CERCAM: variants seen among roughly 807,000 people sequenced by gnomAD.
CERCAM encodes inactive glycosyltransferase 25 family member 3.
Under a neutral mutation model 66.0 loss-of-function variants are expected in CERCAM, and 59 were observed. The observed-to-expected ratio is 0.89, with a 90% CI of 0.73 to 1.11. The LOEUF (loss-of-function observed/expected upper bound fraction) is 1.11, where lower values mean the gene tolerates loss of function less well. Among genes scored for constraint, CERCAM ranks in the 50% most tolerant of loss-of-function variants. The pLI, the probability that CERCAM is intolerant of heterozygous loss-of-function variation, is 0.00. For missense variants in CERCAM, 840 were observed against 828.3 expected, an observed-to-expected ratio of 1.01 and a Z score of -0.17; for synonymous variants, 318 against 343.6, an observed-to-expected ratio of 0.93 and a Z score of 0.83.
chr9:128,423,277 G>T lies in CERCAM; in HGVS notation c.426+14G>T, dbSNP rs377513343. On this transcript the variant is annotated intron_variant, in intron 3 of 12. Coordinates refer to ENST00000372838, the MANE Select transcript of CERCAM (RefSeq NM_016174.5). ...GACTATATCCTGGTGAGGAAGTCTG[G>T]CTAGAATCGGGCTTCTGAAAGGCGG... 6.2e-6 allele frequency: 10 copies of T among 1,602,978 alleles called. No homozygotes were observed. The African/African-American group carries it at 1.3e-4, about 21-fold the overall frequency.
intron 5 of CERCAM, 22 bp from the exon 6 acceptor site, chr9:128,428,280 C>T (rs1296996877): frequency 1.2e-6 from 2 of 1,612,390 alleles, no homozygotes; most frequent in Non-Finnish European, 1.7e-6. Flanking sequence ...CACTGCAGCT[C>T]TCACTCAGCC....
rs772076642 is a variant in CERCAM at position 128,434,504 on chromosome 9, G to T, written c.1426G>T (p.Ala476Ser). The T allele has an allele frequency of 5.0e-6, 8 of 1,613,628 alleles. No individual in the cohort carries two copies. In the East Asian group the frequency reaches 1.8e-4, roughly 36 times the overall value. Residue 476 changes from alanine (A) to serine (S), a missense_variant, in exon 11 of 13, where the codon GCC (alanine) becomes TCC (serine). Coordinates refer to ENST00000372838, the MANE Select transcript of CERCAM (RefSeq NM_016174.5). The surrounding 1 kb of genome is among the most constrained non-coding windows in gnomAD (Gnocchi z 4.5). Reference sequence around the variant, plus strand: ...GGCTGGGTACTCCTACTGGACGCTGGCCTATGCCCTGCGTCTGGCGGGTGC... The same window carrying T: ...GGCTGGGTACTCCTACTGGACGCTGTCCTATGCCCTGCGTCTGGCGGGTGC... Reference protein sequence around the residue: ...VVAGYSYWTLAYALRLAGARK... With the variant: ...VVAGYSYWTLSYALRLAGARK...
intron 2 of CERCAM, 54 bp downstream of exon 2, chr9:128,423,032 G>C (rs1271221044): frequency 2.5e-6 from 4 of 1,612,288 alleles, no homozygotes; most frequent in Non-Finnish European, 3.4e-6. Flanking sequence ...CTGCAGCCCA[G>C]AGAGGAAAAG....
In CERCAM at chr9:128,424,118, G is replaced by C; in HGVS notation, c.427-20G>C. The C allele has an allele frequency of 1.2e-6, 2 of 1,611,432 alleles. No homozygotes were observed. The highest frequency in any genetic ancestry group is 1.7e-6 in the Non-Finnish European group (2 of 1,178,710). ...TGCAGCCCAGGCAGGGCTGGAGCCT[G>C]TGACGTCCCCTCCTCAAAGTTTGCA... is the stretch of plus-strand genomic sequence containing the variant. On this transcript the variant is annotated intron_variant, in intron 3 of 12. Coordinates refer to ENST00000372838, the MANE Select transcript of CERCAM (RefSeq NM_016174.5).
rs764208324 is a variant in CERCAM at position 128,434,171 on chromosome 9, G to C, written c.1273G>C (p.Gly425Arg). 1.2e-6 allele frequency: 2 copies of C among 1,614,050 alleles called. No individual in the cohort carries two copies. The highest frequency in any genetic ancestry group is 2.2e-5 in the South Asian group (2 of 91,076). Residue 425 changes from glycine (G) to arginine (R), a missense_variant, in exon 10 of 13, where the codon GGG becomes CGG. Coordinates refer to ENST00000372838, the MANE Select transcript of CERCAM (RefSeq NM_016174.5). This position sits in a 1 kb window ranked among gnomAD's most constrained non-coding sequence, Gnocchi z 4.5. Reference sequence around the variant, plus strand: ...CGTGCGCTTTGAGAGCAACTTCAGGGGGCGGCTGGAGCGGCTGATGGAGGA... The same window carrying C: ...CGTGCGCTTTGAGAGCAACTTCAGGCGGCGGCTGGAGCGGCTGATGGAGGA... The part of the protein sequence containing the change: ...DDVRFESNFR[G>R]RLERLMEDVE...
Position 128,434,312 on chromosome 9 carries a change from C to T in CERCAM, c.1331+83C>T. On this transcript the variant is annotated intron_variant, in intron 10 of 12. Transcript: ENST00000372838. The surrounding 1 kb of genome is among the most constrained non-coding windows in gnomAD (Gnocchi z 4.5). ...TTTCCTGCTTGGGACCCTGGCCGGC[C>T]CATCCCCTGAGAGCCTGGCCCTGTA... 6.2e-7 allele frequency: 1 copy of T among 1,602,800 alleles called. No individual in the cohort carries two copies. Among genetic ancestry groups the T allele is most frequent in the Non-Finnish European group, 8.5e-7 (1 of 1,173,002 alleles).
rs768072694 is a variant in CERCAM at position 128,424,163 on chromosome 9, C to A, written c.452C>A (p.Thr151Asn). 8.7e-6 allele frequency: 14 copies of A among 1,614,106 alleles called. No individual in the cohort carries two copies. The highest frequency in any genetic ancestry group is 1.2e-5 in the Non-Finnish European group (14 of 1,180,010). ...ILFADTDNIL[T>N]NNQTLRLLMG... The stretch of plus-strand genomic sequence containing the variant: ...TTTGCAGACACAGACAACATTCTGA[C>A]CAACAATCAGACTCTGCGGCTTCTC... The change falls in exon 4 of 13, where the codon ACC becomes AAC. Residue 151 changes from threonine (T) to asparagine (N), a missense_variant. Thr to Asn is a moderately conservative substitution (Grantham distance 65). Coordinates refer to ENST00000372838, the MANE Select transcript of CERCAM (RefSeq NM_016174.5).
At chr9:128,428,258 A>G (rs750172207) in intron 5 of CERCAM, 44 bp from the exon 6 acceptor site, 1 of 1,602,776 alleles carries the variant, frequency 6.2e-7, no homozygotes. Flanking sequence ...GGGTTCTGAG[A>G]GCCCCACCCT....
chr9:128,423,071 C>T lies in CERCAM; in HGVS notation c.309-75C>T. On this transcript the variant is annotated intron_variant, in intron 2 of 12. Coordinates refer to ENST00000372838, the MANE Select transcript of CERCAM (RefSeq NM_016174.5). ...CAGCCCAGAGCCACAGCCTCCAAGC[C>T]AGGGCTCTGTCCACTGCCCTGCAGA... 3.1e-6 allele frequency: 5 copies of T among 1,599,740 alleles called. 1 individual carries two copies. The Middle Eastern group carries it at 8.4e-4, about 269-fold the overall frequency.
In CERCAM at chr9:128,434,018, A is replaced by C. The variant is rs1834040776; in HGVS notation, c.1204-84A>C. ...TGATGTGGCCAGGCCAACTGAGGCC[A>C]GGCAGAGGCTGTGAGCTTCAGCGTG... On this transcript the variant is annotated intron_variant, in intron 9 of 12. Transcript: ENST00000372838. This position sits in a 1 kb window ranked among gnomAD's most constrained non-coding sequence, Gnocchi z 4.5. The C allele has an allele frequency of 6.5e-7, 1 of 1,548,008 alleles. No individual in the cohort carries two copies. The highest frequency in any genetic ancestry group is 8.8e-7 in the Non-Finnish European group (1 of 1,142,084).
chr9:128,425,049 T>TTTG (rs767922006), intron 5 of CERCAM, among the ~76,000 whole-genome samples: 20 of 141,570 alleles, frequency 1.4e-4, no homozygotes, highest in South Asian at 4.6e-4. Flanking sequence ...TGAAAGGTTT[T>TTTG]TTGTTGTTGT....
intron 6 of CERCAM, 146 bp from the exon 7 acceptor site, chr9:128,428,611 G>C: frequency 9.3e-7 from 1 of 1,076,062 alleles, no homozygotes; most frequent in Non-Finnish European, 1.4e-6. Flanking sequence ...TACAATGGGG[G>C]CAGGTGGATC....
Position 128,434,017 on chromosome 9 carries a change from C to T in CERCAM, c.1204-85C>T. The T allele has an allele frequency of 1.3e-6, 2 of 1,550,722 alleles. No individual in the cohort carries two copies. Among genetic ancestry groups the T allele is most frequent in the Non-Finnish European group, 1.7e-6 (2 of 1,145,116 alleles). ...ATGATGTGGCCAGGCCAACTGAGGC[C>T]AGGCAGAGGCTGTGAGCTTCAGCGT... On this transcript the variant is annotated intron_variant, in intron 9 of 12. Coordinates refer to ENST00000372838, the MANE Select transcript of CERCAM (RefSeq NM_016174.5). This position sits in a 1 kb window ranked among gnomAD's most constrained non-coding sequence, Gnocchi z 4.5.
At chr9:128,433,703 C>T (rs569296679) in intron 9 of CERCAM, among the ~76,000 whole-genome samples, 28 of 152,286 alleles carry the variant, frequency 1.8e-4, no homozygotes, top group Admixed American at 3.3e-4. Flanking sequence ...TCAGCAGATG[C>T]GGGTTCATAT....
rs375036853 is a variant in CERCAM, at chr9:128,435,127, G to A, written c.1535+514G>A. ...TCCTGCCTCAGCCTCCTGAGTAGCTGGGATTACAGGTGCCTGCCACCACAC... is the reference window on the plus strand; with the variant it reads ...TCCTGCCTCAGCCTCCTGAGTAGCTAGGATTACAGGTGCCTGCCACCACAC... On this transcript the variant is annotated intron_variant, in intron 11 of 12. Transcript: ENST00000372838. Among the ~76,000 whole-genome samples, 6 of 152,240 alleles carry A rather than the reference G, an allele frequency of 3.9e-5. No homozygotes were observed. The South Asian group carries it at 8.3e-4, about 21-fold the overall frequency.
intron 1 of CERCAM, chr9:128,421,329 TG>T: frequency 8.3e-7 from 1 of 1,208,178 alleles, no homozygotes; most frequent in Non-Finnish European, 1.0e-6. Flanking sequence ...TCCTTCCTCT[TG>T]GGGCCTTCCC....
intron 9 of CERCAM, among the ~76,000 whole-genome samples, chr9:128,432,528 G>A (rs1833999955): frequency 6.6e-6 from 1 of 151,592 alleles, no homozygotes; most frequent in Non-Finnish European, 1.5e-5. Flanking sequence ...TGAAACTACA[G>A]GCGCGCACCA....
chr9:128,424,764 T>A, intron 5 of CERCAM, 150 bp downstream of exon 5: 7 of 633,666 alleles, frequency 1.1e-5, no homozygotes, highest in Non-Finnish European at 1.8e-5. Flanking sequence ...CTTTTCTCTC[T>A]CTTTTTTTTT....
In CERCAM at chr9:128,424,286, G is replaced by GGGGGCCTT. The variant is rs749585640; in HGVS notation, c.561+18_561+25dup. ...ATCACCCCCCAGGTGAGGCCGGGAT[G>GGGGGCCTT]GGGGCCTTGGGTGGACTGAGGTCCT... On this transcript the variant is annotated intron_variant, in intron 4 of 12. Transcript: ENST00000372838. 22 of 1,613,682 alleles carry GGGGGCCTT rather than the reference G, an allele frequency of 1.4e-5. No homozygotes were observed. The Admixed American group carries it at 3.5e-4, about 26-fold the overall frequency.
Sources: gnomAD v4.1 joint callset for allele counts (sites outside exome capture counted in the v4.1 genomes callset) on GRCh38, gnomAD v4.1.1 for gene constraint, Gnocchi (gnomAD v3.1) non-coding constraint, MANE v1.5 for transcripts, NCBI Gene and HGNC (gene_info 2026-07-23, HGNC 2026-07-21) for gene names.